STEAP1B: variants seen among roughly 807,000 people sequenced by gnomAD.
STEAP1B encodes the protein STEAP family protein MGC87042.
Under a neutral mutation model 27.9 loss-of-function variants are expected in STEAP1B, and 13 were observed. That is an observed-to-expected ratio of 0.47 (90% CI 0.30 to 0.74). The LOEUF (loss-of-function observed/expected upper bound fraction) is 0.74. Ranked by LOEUF, STEAP1B falls within the 30% of genes least tolerant of loss-of-function variation. STEAP1B has a pLI of 0.06. For synonymous variants in STEAP1B, 86 were observed against 107.1 expected, an observed-to-expected ratio of 0.80 and a Z score of 1.22; for missense variants, 250 against 298.7, an observed-to-expected ratio of 0.84 and a Z score of 1.20.
chr7:22,430,997 G>A (rs544514862), intron 4 of STEAP1B, among the ~76,000 whole-genome samples: 63 of 152,308 alleles, frequency 4.1e-4, no homozygotes, highest in African/African-American at 1.5e-3. Context: ...ACGATAGCTG[G>A]TCTCATCCTA....
intron 4 of STEAP1B, among the ~76,000 whole-genome samples, chr7:22,464,556 G>A (rs990913705): frequency 6.6e-6 from 1 of 152,158 alleles, no homozygotes; most frequent in African/African-American, 2.4e-5. Context: ...CATATTTGGA[G>A]ACAGTGCCTT....
chr7:22,468,315 A>AT (rs1785821252), intron 4 of STEAP1B, among the ~76,000 whole-genome samples: 1 of 152,150 alleles, frequency 6.6e-6, no homozygotes, highest in Non-Finnish European at 1.5e-5. Context: ...TAAGGGAGGT[A>AT]CTATTATTAC....
chr7:22,496,311 ATAAGT>A (rs953288059), intron 1 of STEAP1B, among the ~76,000 whole-genome samples: 19 of 152,320 alleles, frequency 1.2e-4, no homozygotes, highest in African/African-American at 4.1e-4. Flanking sequence ...AGTAAAAACA[ATAAGT>A]TAATAAAGTA....
chr7:22,432,497 G>A (rs533144178), intron 4 of STEAP1B, among the ~76,000 whole-genome samples: 12 of 152,252 alleles, frequency 7.9e-5, no homozygotes, highest in African/African-American at 2.6e-4. Context: ...GATCGCTTGA[G>A]CCCTGGAGGC....
chr7:22,444,221 G>T (rs1785375279), intron 4 of STEAP1B, among the ~76,000 whole-genome samples: 1 of 152,304 alleles, frequency 6.6e-6, no homozygotes, highest in East Asian at 1.9e-4. Context: ...GCAAAGGAGT[G>T]AGGGTACCTG....
At chr7:22,434,580 T>G (rs1785231695) in intron 4 of STEAP1B, among the ~76,000 whole-genome samples, 1 of 151,640 alleles carries the variant, frequency 6.6e-6, no homozygotes, top group Non-Finnish European at 1.5e-5. Flanking sequence ...AGCTATAGTT[T>G]GCAATAAAGA....
intron 4 of STEAP1B, among the ~76,000 whole-genome samples, chr7:22,425,608 C>T (rs1785095870): frequency 6.6e-6 from 1 of 152,172 alleles, no homozygotes; most frequent in Admixed American, 6.5e-5. Context: ...GCTTAAAGTA[C>T]AGACTGTTTC....
intron 4 of STEAP1B, among the ~76,000 whole-genome samples, chr7:22,425,515 A>C (rs1250499463): frequency 1.3e-5 from 2 of 152,222 alleles, no homozygotes; most frequent in Non-Finnish European, 2.9e-5. Flanking sequence ...TTGGCATCAT[A>C]TGAAGCAAAA....
At chr7:22,457,111 T>C (rs187141525) in intron 4 of STEAP1B, among the ~76,000 whole-genome samples, 1 of 151,460 alleles carries the variant, frequency 6.6e-6, no homozygotes, top group African/African-American at 2.4e-5. Flanking sequence ...GCCGAGTCTC[T>C]AAATGTCCTG....
intron 4 of STEAP1B, among the ~76,000 whole-genome samples, chr7:22,433,165 T>G (rs531194593): frequency 6.6e-6 from 1 of 151,436 alleles, no homozygotes; most frequent in East Asian, 1.9e-4. Context: ...AAACCCAAAA[T>G]CAAAAAGCAA....
At chr7:22,485,365 G>A (rs1369353897) in intron 4 of STEAP1B, among the ~76,000 whole-genome samples, 7 of 152,174 alleles carry the variant, frequency 4.6e-5, no homozygotes, top group Non-Finnish European at 1.5e-5. Context: ...GCAAAAAGAT[G>A]ACTCACTGAA....
At chr7:22,466,658 G>C (rs1002763236) in intron 4 of STEAP1B, among the ~76,000 whole-genome samples, 1 of 152,152 alleles carries the variant, frequency 6.6e-6, no homozygotes, top group Non-Finnish European at 1.5e-5. Flanking sequence ...ATTGCACAAG[G>C]ACAGGCAAAA....
rs1413717514 is a variant in STEAP1B at position 22,465,608 on chromosome 7, C to G, written c.762+26957G>C. ...GTGAACATGACCTTCCTTGCACATG[C>G]AGTAGGGGTTCTCTGGGTGTTGCGC... On this transcript the variant is annotated intron_variant, in intron 4 of 4. Coordinates refer to ENST00000678116, the MANE Select transcript of STEAP1B (RefSeq NM_001382447.1). Among the ~76,000 whole-genome samples, 8 of 151,984 alleles carry G rather than the reference C, an allele frequency of 5.3e-5. No homozygotes were observed. In the East Asian group the frequency reaches 1.3e-3, roughly 26 times the overall value.
At position 22,419,752 on chromosome 7, in the gene STEAP1B, C is replaced by T. The variant is rs1393902973; in HGVS notation, c.*52G>A. ...GGTGTTCTGCATGAGCAATCCAATG[C>T]TGTGCTCCAAAGCCTCGTTCTCATT... On this transcript the variant is annotated 3_prime_UTR_variant, in exon 5 of 5. Coordinates refer to ENST00000678116, the MANE Select transcript of STEAP1B (RefSeq NM_001382447.1). 1.9e-6 allele frequency: 3 copies of T among 1,541,372 alleles called. No individual in the cohort carries two copies. Among genetic ancestry groups the T allele is most frequent in the South Asian group, 1.2e-5 (1 of 82,236 alleles).
At chr7:22,460,250 C>G (rs966227936) in intron 4 of STEAP1B, among the ~76,000 whole-genome samples, 1 of 150,650 alleles carries the variant, frequency 6.6e-6, no homozygotes, top group Non-Finnish European at 1.5e-5. Flanking sequence ...ATCACTTGAG[C>G]CTGGGAGGTC....
intron 4 of STEAP1B, among the ~76,000 whole-genome samples, chr7:22,420,069 G>A (rs1050987126): frequency 3.9e-5 from 6 of 152,098 alleles, no homozygotes; most frequent in African/African-American, 1.2e-4. Context: ...ACTACATTGT[G>A]GGGCAATGAG....
chr7:22,431,676 T>C (rs1170381944), intron 4 of STEAP1B, among the ~76,000 whole-genome samples: 5 of 152,216 alleles, frequency 3.3e-5, no homozygotes, highest in Admixed American at 3.3e-4. Context: ...ATTTCTGACT[T>C]ATAGCTGAAT....
At chr7:22,489,989 G>A (rs28631623) in intron 4 of STEAP1B, among the ~76,000 whole-genome samples, 14,825 of 152,216 alleles carry the variant, frequency 0.097, 842 homozygotes, top group African/African-American at 0.14. Flanking sequence ...TCCAGCCTCT[G>A]AAGTGCTTGA....
chr7:22,456,778 C>T (rs1190887225), intron 4 of STEAP1B, among the ~76,000 whole-genome samples: 1 of 150,816 alleles, frequency 6.6e-6, no homozygotes, highest in East Asian at 1.9e-4. Flanking sequence ...AAGAAGGGAA[C>T]AGAAGGAATC....
Sources: allele counts gnomAD v4.1 joint callset (sites outside exome capture counted in the v4.1 genomes callset), GRCh38; gene constraint gnomAD v4.1.1; transcripts MANE v1.5; gene names NCBI Gene and HGNC (gene_info 2026-07-23, HGNC 2026-07-21).